ODAD3: variants seen among roughly 807,000 people sequenced by gnomAD.
The protein encoded by ODAD3 is outer dynein arm docking complex subunit 3, also known as outer dynein arm-docking complex subunit 3.
Under a neutral mutation model 70.9 loss-of-function variants are expected in ODAD3, and 57 were observed. That is an observed-to-expected ratio of 0.80 (90% CI 0.65 to 1.00). The LOEUF (loss-of-function observed/expected upper bound fraction) is 1.00, where lower values mean the gene tolerates loss of function less well. Among genes scored for constraint, ODAD3 ranks in the 50% least tolerant of loss-of-function variants. The pLI is 0.00. For synonymous variants in ODAD3, 327 were observed against 315.9 expected, an observed-to-expected ratio of 1.04 and a Z score of -0.37; for missense variants, 797 against 763.9, an observed-to-expected ratio of 1.04 and a Z score of -0.51.
intron 1 of ODAD3, among the ~76,000 whole-genome samples, chr19:11,431,419 TTAA>T (rs1168516941): frequency 5.3e-5 from 8 of 151,856 alleles, no homozygotes; most frequent in Non-Finnish European, 1.2e-4. Context: ...GCTCATCAAC[TTAA>T]TATTATAAGA....
At position 11,421,155 on chromosome 19, in the gene ODAD3, G is replaced by A; in HGVS notation, c.1648C>T (p.Leu550Phe). ...AAAAACTTGTCCTTGGAAGTGGCAA[G>A]GGGCAGGGCGATGCGGGTGTTGTAT... is the stretch of plus-strand genomic sequence containing the variant. ...PEYNTRIALPLATSKDKFFDE... is the reference protein window; with the variant it reads ...PEYNTRIALPFATSKDKFFDE... Residue 550 changes from leucine to phenylalanine, a missense_variant, in exon 12 of 13, where the codon CTT (leucine) becomes TTT (phenylalanine). Coordinates refer to ENST00000356392, the MANE Select transcript of ODAD3 (RefSeq NM_145045.5). 1 of 1,613,724 alleles carries A rather than the reference G, an allele frequency of 6.2e-7. No individual in the cohort carries two copies.
chr19:11,425,337 A>ATATGTGTG (rs1969307355), intron 7 of ODAD3, among the ~76,000 whole-genome samples: 4 of 127,836 alleles, frequency 3.1e-5, no homozygotes, highest in Admixed American at 3.1e-4. Flanking sequence ...ACATATGTGT[A>ATATGTGTG]TATATGTATA....
At chr19:11,424,444 G>C (rs1049636067) in intron 7 of ODAD3, among the ~76,000 whole-genome samples, 8 of 151,098 alleles carry the variant, frequency 5.3e-5, no homozygotes, top group African/African-American at 1.9e-4. Context: ...CGAGACTGCA[G>C]TGAGCTATAA....
At chr19:11,434,229 AAC>A (rs1320212320) in intron 1 of ODAD3, among the ~76,000 whole-genome samples, 37 of 144,576 alleles carry the variant, frequency 2.6e-4, no homozygotes, top group African/African-American at 7.8e-4. Context: ...CAAAAAACAA[AAC>A]AAAAAAAAAC....
rs1969175616 is a variant in ODAD3 at position 11,422,904 on chromosome 19, C to T, written c.1117-43G>A. 8.2e-6 allele frequency: 13 copies of T among 1,579,556 alleles called. No individual in the cohort carries two copies. Among genetic ancestry groups the T allele is most frequent in the Non-Finnish European group, 1.1e-5 (13 of 1,167,708 alleles). ...CCAGTCAGAGCCAGGGCCTAGGGAGCGTAGGGGCGCTCCACCTCCTCTCCC... is the reference window on the plus strand; with the variant it reads ...CCAGTCAGAGCCAGGGCCTAGGGAGTGTAGGGGCGCTCCACCTCCTCTCCC... On this transcript the variant is annotated intron_variant, in intron 8 of 12. Coordinates refer to ENST00000356392, the MANE Select transcript of ODAD3 (RefSeq NM_145045.5). This position sits in a 1 kb window ranked among gnomAD's most constrained non-coding sequence, Gnocchi z 4.6.
chr19:11,422,235 G>A lies in ODAD3; in HGVS notation c.1434+236C>T, dbSNP rs1007038436. Among the ~76,000 whole-genome samples the A allele has an allele frequency of 1.3e-5, 2 of 152,114 alleles. No homozygotes were observed. The highest frequency in any genetic ancestry group is 2.9e-5 in the Non-Finnish European group (2 of 68,000). On this transcript the variant is annotated intron_variant, in intron 10 of 12. Coordinates refer to ENST00000356392, the MANE Select transcript of ODAD3 (RefSeq NM_145045.5). This position sits in a 1 kb window ranked among gnomAD's most constrained non-coding sequence, Gnocchi z 4.6. ...TGGAGGCGGAGCTTGAGACGGGACA[G>A]GGTCTCTGACGTCTTGGGCTTCCTT...
At position 11,426,278 on chromosome 19, in the gene ODAD3, G is replaced by A. The variant is rs548170809; in HGVS notation, c.841-12C>T. On this transcript the variant is annotated splice_polypyrimidine_tract_variant and intron_variant, in intron 6 of 12. Transcript: ENST00000356392. ...TACTGCAGCTGGTTCTGGAGGGCGG[G>A]CAGGGTAGCAGGGAGACCAGCTGGC... is the stretch of plus-strand genomic sequence containing the variant. 5.0e-6 allele frequency: 8 copies of A among 1,613,394 alleles called. No homozygotes were observed. The highest frequency in any genetic ancestry group is 6.8e-6 in the Non-Finnish European group (8 of 1,179,728).
chr19:11,423,868 A>G lies in ODAD3; in HGVS notation c.1116+9T>C, dbSNP rs769061655. ...GGGCGCGGCGGAGAGGGCTGCGGGC[A>G]GAACTCACGTGCGTCTCGTCAGTGC... is the stretch of plus-strand genomic sequence containing the variant. On this transcript the variant is annotated intron_variant, in intron 8 of 12. Coordinates refer to ENST00000356392, the MANE Select transcript of ODAD3 (RefSeq NM_145045.5). 3.4e-5 allele frequency: 54 copies of G among 1,601,566 alleles called. No individual in the cohort carries two copies. In the South Asian group the frequency reaches 5.9e-4, roughly 18 times the overall value.
chr19:11,425,041 ATG>A (rs1248899319), intron 7 of ODAD3, among the ~76,000 whole-genome samples: 2 of 127,202 alleles, frequency 1.6e-5, no homozygotes, highest in South Asian at 4.6e-4. Context: ...ATATATACAT[ATG>A]TGTATATATG....
In ODAD3 at chr19:11,420,946, G is replaced by T. The variant is rs1170768447; in HGVS notation, c.1677C>A (p.Asp559Glu). 1.9e-6 allele frequency: 3 copies of T among 1,610,650 alleles called. No individual in the cohort carries two copies. Among genetic ancestry groups the T allele is most frequent in the Non-Finnish European group, 2.5e-6 (3 of 1,177,218 alleles). Residue 559 changes from aspartate (D) to glutamate (E), a missense_variant and splice_region_variant, in exon 13 of 13, where the codon GAC (aspartate) becomes GAA (glutamate). Asp to Glu is a conservative substitution (Grantham distance 45). Transcript: ENST00000356392. ...CGTTGTCCTCCTCCTCACTCTCTTC[G>T]TCTAAGGGGGGTGGGGGGATGAGCA... is the stretch of plus-strand genomic sequence containing the variant. ...PLATSKDKFF[D>E]EESEEEDNEV...
In ODAD3 at chr19:11,431,012, G is replaced by A. The variant is rs752807339; in HGVS notation, c.253C>T (p.Arg85Trp). The A allele has an allele frequency of 3.1e-6, 5 of 1,613,894 alleles. No homozygotes were observed. The highest frequency in any genetic ancestry group is 1.7e-5 in the Admixed American group (1 of 59,974). Residue 85 changes from arginine to tryptophan, a missense_variant, in exon 2 of 13, where the codon CGG becomes TGG. By Grantham distance (101) the Arg-to-Trp change is moderately radical (BLOSUM62 -3). Coordinates refer to ENST00000356392, the MANE Select transcript of ODAD3 (RefSeq NM_145045.5). The part of the protein sequence containing the change: ...HKKIQLLEGD[R>W]KAFFESSQWN... ...TGAGAGCTCTCAAAAAAAGCCTTCC[G>A]GTCACCCTCTGGCAGGCAGGTGAGG...
chr19:11,426,320 C>T (rs1969373225), intron 6 of ODAD3, 54 bp from the exon 7 acceptor site: 6 of 1,609,632 alleles, frequency 3.7e-6, no homozygotes, highest in South Asian at 1.1e-5. Context: ...CACTGCCCGC[C>T]GCAGGGTGCT....
At chr19:11,423,835 T>TTG in intron 8 of ODAD3, 42 bp downstream of exon 8, 2 of 1,018,924 alleles carry the variant, frequency 2.0e-6, no homozygotes, top group Non-Finnish European at 2.7e-6. Context: ...CCGTCTGGGG[T>TTG]GGGGGGGGGG....
At chr19:11,421,930 A>C in intron 10 of ODAD3, 98 bp from the exon 11 acceptor site, 1 of 1,385,324 alleles carries the variant, frequency 7.2e-7, no homozygotes, top group South Asian at 1.4e-5. Flanking sequence ...GGGGCCTAGG[A>C]GGTAAGGGCC....
rs1969199108 is a variant in ODAD3, at chr19:11,423,863, C to A, written c.1116+14G>T. ...GGGGGGGGCGCGGCGGAGAGGGCTG[C>A]GGGCAGAACTCACGTGCGTCTCGTC... On this transcript the variant is annotated intron_variant, in intron 8 of 12. Transcript: ENST00000356392. 3 of 1,594,490 alleles carry A rather than the reference C, an allele frequency of 1.9e-6. No individual in the cohort carries two copies. The highest frequency in any genetic ancestry group is 1.3e-5 in the African/African-American group (1 of 74,374).
At chr19:11,432,183 A>T (rs1243302325) in intron 1 of ODAD3, among the ~76,000 whole-genome samples, 1 of 152,188 alleles carries the variant, frequency 6.6e-6, no homozygotes, top group African/African-American at 2.4e-5. Context: ...AGCCCTGTGG[A>T]ACCTGCAGAT....
intron 12 of ODAD3, 54 bp downstream of exon 12, chr19:11,421,074 G>A: frequency 6.3e-7 from 1 of 1,595,514 alleles, no homozygotes; most frequent in Admixed American, 1.7e-5. Flanking sequence ...ACAACCTCCT[G>A]CTACCCAGCT....
intron 7 of ODAD3, 145 bp from the exon 8 acceptor site, chr19:11,424,174 A>G: frequency 9.6e-7 from 1 of 1,040,288 alleles, no homozygotes; most frequent in Non-Finnish European, 1.4e-6. Flanking sequence ...GGGGCCAGAT[A>G]AAGGCACCCG....
At position 11,426,590 on chromosome 19, in the gene ODAD3, G is replaced by C. The variant is rs149834490; in HGVS notation, c.715-19C>G. Reference sequence around the variant, plus strand: ...TCTCGTCCTGGGGCGTGGTGGGGAGGGGTAGCGGAGATGGTGCAGGTCTGT... The same window carrying C: ...TCTCGTCCTGGGGCGTGGTGGGGAGCGGTAGCGGAGATGGTGCAGGTCTGT... On this transcript the variant is annotated intron_variant, in intron 5 of 12. Coordinates refer to ENST00000356392, the MANE Select transcript of ODAD3 (RefSeq NM_145045.5). The C allele has an allele frequency of 2.5e-4, 396 of 1,614,016 alleles. 5 individuals are homozygous for C. Among genetic ancestry groups the C allele is most frequent in the Middle Eastern group, 2.1e-3 (13 of 6,058 alleles).
Sources: gnomAD v4.1 joint callset for allele counts (sites outside exome capture counted in the v4.1 genomes callset) on GRCh38, gnomAD v4.1.1 for gene constraint, Gnocchi (gnomAD v3.1) non-coding constraint, MANE v1.5 for transcripts, NCBI Gene and HGNC (gene_info 2026-07-23, HGNC 2026-07-21) for gene names.